Variants in MICAL2 observed in about 807,000 individuals in gnomAD.
The protein encoded by MICAL2 is microtubule associated monooxygenase, calponin and LIM domain containing 2.
In MICAL2, 77 loss-of-function variants were observed where a neutral mutation model predicts 127.3. That is an observed-to-expected ratio of 0.60 (90% CI 0.50 to 0.73). MICAL2 has a LOEUF of 0.73. Among genes scored for constraint, MICAL2 ranks in the 30% least tolerant of loss-of-function variants. The pLI, the probability that MICAL2 is intolerant of heterozygous loss-of-function variation, is 0.00. For missense variants in MICAL2, 1,351 were observed against 1,434.4 expected, an observed-to-expected ratio of 0.94 and a Z score of 0.94; for synonymous variants, 570 against 551.1, an observed-to-expected ratio of 1.03 and a Z score of -0.48.
At chr11:12,335,234 G>T (rs1198889973) in intron 32 of MICAL2, among the ~76,000 whole-genome samples, 25 of 151,808 alleles carry the variant, frequency 1.6e-4, no homozygotes, top group Admixed American at 1.6e-3. Context: ...TGTGTTTTTT[G>T]GCTGCATAAA....
At chr11:12,235,648 C>G (rs1004772806) in intron 15 of MICAL2, among the ~76,000 whole-genome samples, 27 of 152,184 alleles carry the variant, frequency 1.8e-4, no homozygotes, top group African/African-American at 6.5e-4. Flanking sequence ...CATCAAATCC[C>G]TAGGCAGCTC....
At chr11:12,308,432 A>G (rs1864137582) in intron 29 of MICAL2, among the ~76,000 whole-genome samples, 1 of 152,134 alleles carries the variant, frequency 6.6e-6, no homozygotes, top group Non-Finnish European at 1.5e-5. Context: ...AGTTTCTTTC[A>G]CTTTAATTTA....
intron 29 of MICAL2, among the ~76,000 whole-genome samples, chr11:12,313,038 G>A (rs1292156301): frequency 6.6e-6 from 1 of 151,958 alleles, no homozygotes; most frequent in Non-Finnish European, 1.5e-5. Flanking sequence ...CGGCATGGCG[G>A]GCGCCTGTAG....
chr11:12,278,282 A>G (rs1863740763), intron 1 of MICAL2, among the ~76,000 whole-genome samples: 1 of 152,244 alleles, frequency 6.6e-6, no homozygotes, highest in African/African-American at 2.4e-5. Context: ...ACACACACAC[A>G]CATTGAATAG....
chr11:12,279,867 C>T (rs137899096), intron 1 of MICAL2, among the ~76,000 whole-genome samples: 133 of 152,334 alleles, frequency 8.7e-4, no homozygotes, highest in African/African-American at 3.2e-3. Context: ...AGGACTGGGG[C>T]ACCATGACCA....
chr11:12,218,317 G>A (rs936804182), intron 8 of MICAL2, among the ~76,000 whole-genome samples: 1 of 152,116 alleles, frequency 6.6e-6, no homozygotes, highest in African/African-American at 2.4e-5. Context: ...CTGTCCTCCT[G>A]TCCTTGTCCT....
intron 1 of MICAL2, among the ~76,000 whole-genome samples, chr11:12,278,902 C>T (rs1863745776): frequency 6.6e-6 from 1 of 152,036 alleles, no homozygotes; most frequent in Admixed American, 6.6e-5. Context: ...TTTGAGATGC[C>T]GGTGTCTTTG....
chr11:12,235,745 G>T (rs1858962869), intron 15 of MICAL2, among the ~76,000 whole-genome samples: 1 of 152,088 alleles, frequency 6.6e-6, no homozygotes, highest in Non-Finnish European at 1.5e-5. Context: ...ACCCCAGCTG[G>T]TCTCCATGAG....
intron 2 of MICAL2, among the ~76,000 whole-genome samples, chr11:12,148,675 T>C (rs890257630): frequency 1.3e-5 from 2 of 152,212 alleles, no homozygotes; most frequent in Non-Finnish European, 2.9e-5. Context: ...GTCAGAGGCA[T>C]GGGCACCAGG....
At chr11:12,339,725 TGC>T (rs1216607961) in intron 32 of MICAL2, among the ~76,000 whole-genome samples, 7 of 152,236 alleles carry the variant, frequency 4.6e-5, no homozygotes, top group African/African-American at 1.7e-4. Context: ...CAGACCCATT[TGC>T]CTGGGTATCA....
chr11:12,348,460 GAT>G (rs1398573457), intron 32 of MICAL2, among the ~76,000 whole-genome samples: 2 of 152,138 alleles, frequency 1.3e-5, no homozygotes, highest in South Asian at 2.1e-4. Flanking sequence ...CATGGATTTT[GAT>G]ATCCAAGAGG....
At chr11:12,166,617 C>T (rs1042717321) in intron 3 of MICAL2, among the ~76,000 whole-genome samples, 1 of 152,174 alleles carries the variant, frequency 6.6e-6, no homozygotes, top group Non-Finnish European at 1.5e-5. Context: ...GTAGCTACTT[C>T]ATGGAGTTAC....
chr11:12,280,240 CA>C (rs1863757978), intron 1 of MICAL2, among the ~76,000 whole-genome samples: 1 of 152,136 alleles, frequency 6.6e-6, no homozygotes, highest in African/African-American at 2.4e-5. Context: ...GTTTCGGGAC[CA>C]AGTCCCTAAT....
chr11:12,330,923 GTGTGTGTGTCTGTA>G (rs1382244903), intron 32 of MICAL2, among the ~76,000 whole-genome samples: 3 of 138,064 alleles, frequency 2.2e-5, no homozygotes, highest in Non-Finnish European at 4.7e-5. Flanking sequence ...GTGTGTGTGT[GTGTGTGTGTCTGTA>G]TGTGTGTGTC....
intron 33 of MICAL2, among the ~76,000 whole-genome samples, chr11:12,350,292 A>G (rs1939024404): frequency 6.6e-6 from 1 of 152,186 alleles, no homozygotes; most frequent in South Asian, 2.1e-4. Flanking sequence ...CTCTGAGTGT[A>G]AATCTTGGGA....
chr11:12,296,935 G>A (rs1863992712), downstream of MICAL2, among the ~76,000 whole-genome samples: 1 of 151,614 alleles, frequency 6.6e-6, no homozygotes, highest in Non-Finnish European at 1.5e-5. Context: ...TAACATAATT[G>A]ATGTAGCCAG....
At chr11:12,128,172 G>A (rs1465928491) in intron 1 of MICAL2, among the ~76,000 whole-genome samples, 2 of 152,240 alleles carry the variant, frequency 1.3e-5, no homozygotes, top group Admixed American at 6.5e-5. Flanking sequence ...TGTTGTGGGT[G>A]TAGGTTAGTG....
intron 24 of MICAL2, among the ~76,000 whole-genome samples, chr11:12,257,788 C>A (rs750843605): frequency 6.6e-6 from 1 of 152,184 alleles, no homozygotes; most frequent in African/African-American, 2.4e-5. Context: ...CCTACTGTTA[C>A]AATTTTTACT....
At chr11:12,276,087 G>A (rs1863719829) in exon 1 of MICAL2, 3 of 399,152 alleles carry the variant, frequency 7.5e-6, no homozygotes, top group Admixed American at 8.8e-5. Flanking sequence ...GTGGACCTCA[G>A]TGAGGATCAG....
Sources: gnomAD v4.1 joint callset for allele counts (sites outside exome capture counted in the v4.1 genomes callset) on GRCh38, gnomAD v4.1.1 for gene constraint, MANE v1.5 for transcripts, NCBI Gene and HGNC (gene_info 2026-07-23, HGNC 2026-07-21) for gene names.